The following MYO3B variants were observed in gnomAD, a reference collection of about 807,000 sequenced individuals.
MYO3B encodes myosin IIIB.
MYO3B carries 156 observed loss-of-function variants against 174.6 expected under a neutral mutation model. The ratio of observed to expected loss-of-function variants is 0.89; its 90% CI spans 0.78 to 1.02. The LOEUF (loss-of-function observed/expected upper bound fraction) is 1.02. Among genes scored for constraint, MYO3B ranks in the 50% least tolerant of loss-of-function variants. The pLI is 0.00. For synonymous variants in MYO3B, 563 were observed against 569.1 expected (o/e 0.99, Z 0.15); for missense variants, 1,632 against 1,639.4 (o/e 1.00, Z 0.08).
At chr2:170,408,075 C>T (rs539950382) in intron 22 of MYO3B, among the ~76,000 whole-genome samples, 12 of 152,372 alleles carry the variant, frequency 7.9e-5, no homozygotes, top group Non-Finnish European at 1.6e-4. Flanking sequence ...AACATACATA[C>T]ACTATCCATA....
chr2:170,272,772 T>C (rs889966), intron 7 of MYO3B, among the ~76,000 whole-genome samples: 148,744 of 152,292 alleles, frequency 0.98, 72,658 homozygotes, highest in Admixed American at 0.98. Flanking sequence ...GTTTGGCCCT[T>C]TTCTGTTTTT....
Position 170,206,145 on chromosome 2 carries a change from TC to T in MYO3B, c.321+5862del, listed in dbSNP as rs1407814202. Among the ~76,000 whole-genome samples the T allele has an allele frequency of 6.6e-6, 1 of 152,100 alleles. No individual in the cohort carries two copies. Among genetic ancestry groups the T allele is most frequent in the Non-Finnish European group, 1.5e-5 (1 of 68,020 alleles). On this transcript the variant is annotated intron_variant, in intron 3 of 34. Coordinates refer to ENST00000408978, the MANE Select transcript of MYO3B (RefSeq NM_138995.5). This position sits in a 1 kb window ranked among gnomAD's most constrained non-coding sequence, Gnocchi z 4.3. The stretch of plus-strand genomic sequence containing the variant: ...CCCTCACATGCACATTCCCCCTCAT[TC>T]TTTCATGCCCCCTACATTTGCACAA...
chr2:170,377,495 A>G (rs554440352), intron 9 of MYO3B, among the ~76,000 whole-genome samples: 27 of 152,288 alleles, frequency 1.8e-4, no homozygotes, highest in African/African-American at 5.1e-4. Context: ...TTGATGGTAC[A>G]GACTTGCCCT....
intron 32 of MYO3B, among the ~76,000 whole-genome samples, chr2:170,582,510 C>G (rs539644851): frequency 6.6e-6 from 1 of 152,238 alleles, no homozygotes; most frequent in Admixed American, 6.5e-5. Flanking sequence ...GATGGCCCCT[C>G]CAGTGGGCAG....
chr2:170,580,718 A>ATATATATGTGTGTGTGTGTGTGTG, intron 32 of MYO3B, among the ~76,000 whole-genome samples: 1 of 142,702 alleles, frequency 7.0e-6, no homozygotes, highest in Non-Finnish European at 1.5e-5. Flanking sequence ...AACCTTATAT[A>ATATATATGTGTGTGTGTGTGTGTG]TGTGTGTGTG....
intron 32 of MYO3B, 43 bp downstream of exon 32, chr2:170,544,031 C>A: frequency 6.9e-7 from 1 of 1,440,636 alleles, no homozygotes; most frequent in Non-Finnish European, 9.7e-7. Context: ...CTACCATTTG[C>A]ATGTTTGTGT....
intron 22 of MYO3B, chr2:170,412,320 G>C (rs548444463): frequency 1.3e-5 from 2 of 152,252 alleles, no homozygotes; most frequent in South Asian, 4.1e-4. Context: ...ATAGTAGTTT[G>C]GGGTGTTAAA....
intron 32 of MYO3B, among the ~76,000 whole-genome samples, chr2:170,600,714 CT>C (rs1351005756): frequency 6.6e-6 from 1 of 152,180 alleles, no homozygotes; most frequent in Non-Finnish European, 1.5e-5. Context: ...TAAGCTCATG[CT>C]TTTGGTGATA....
intron 32 of MYO3B, among the ~76,000 whole-genome samples, chr2:170,560,784 T>C (rs138628093): frequency 9.9e-5 from 15 of 152,276 alleles, no homozygotes; most frequent in African/African-American, 3.6e-4. Context: ...ATCAGATAAA[T>C]GGAAAGAGCT....
At chr2:170,242,463 C>T (rs1043454805) in intron 7 of MYO3B, among the ~76,000 whole-genome samples, 24 of 152,298 alleles carry the variant, frequency 1.6e-4, no homozygotes, top group African/African-American at 5.3e-4. Flanking sequence ...AGAAATGCCC[C>T]AGAAGGCTTT....
intron 7 of MYO3B, among the ~76,000 whole-genome samples, chr2:170,256,573 A>G (rs1014450693): frequency 2.6e-5 from 4 of 152,162 alleles, no homozygotes; most frequent in Admixed American, 6.5e-5. Context: ...ATTTTTTTCC[A>G]GGTAGGTAAT....
intron 28 of MYO3B, among the ~76,000 whole-genome samples, chr2:170,509,081 G>A (rs1418135686): frequency 1.3e-5 from 2 of 152,326 alleles, no homozygotes; most frequent in East Asian, 3.9e-4. Context: ...TTCAGGCCGG[G>A]CACAGTGGCT....
intron 7 of MYO3B, among the ~76,000 whole-genome samples, chr2:170,280,841 GTTTTTGTAT>G (rs2093503176): frequency 6.6e-6 from 1 of 152,054 alleles, no homozygotes; most frequent in South Asian, 2.1e-4. Context: ...CTGTGTACCT[GTTTTTGTAT>G]CAGTACTATG....
chr2:170,238,948 G>C (rs958315565), intron 7 of MYO3B, among the ~76,000 whole-genome samples: 1 of 152,116 alleles, frequency 6.6e-6, no homozygotes, highest in East Asian at 1.9e-4. Flanking sequence ...GAAATACTGC[G>C]TGACTCACAA....
chr2:170,345,127 C>A (rs1385395457), intron 8 of MYO3B: 4 of 152,216 alleles, frequency 2.6e-5, no homozygotes, highest in Admixed American at 2.0e-4. Context: ...AGAAGGAAAT[C>A]TGGCTCTGGG....
chr2:170,210,862 T>C (rs2105357569), intron 3 of MYO3B, among the ~76,000 whole-genome samples: 1 of 152,238 alleles, frequency 6.6e-6, no homozygotes, highest in East Asian at 1.9e-4. Context: ...ACCAATTAAT[T>C]AGAGCTTTTT....
chr2:170,574,909 C>T (rs1692692261), intron 32 of MYO3B, among the ~76,000 whole-genome samples: 1 of 152,122 alleles, frequency 6.6e-6, no homozygotes, highest in Non-Finnish European at 1.5e-5. Flanking sequence ...CTCCTTCTCC[C>T]TCTCCCTCTT....
chr2:170,444,063 C>G lies in MYO3B; in HGVS notation c.2730+17C>G. Reference sequence around the variant, plus strand: ...AAAGCCAAGGTGAGTAACAGATTTGCACCAAATATAGTATGGACTGGCAGG... The same window carrying G: ...AAAGCCAAGGTGAGTAACAGATTTGGACCAAATATAGTATGGACTGGCAGG... On this transcript the variant is annotated intron_variant, in intron 23 of 34. Coordinates refer to ENST00000408978, the MANE Select transcript of MYO3B (RefSeq NM_138995.5). The G allele has an allele frequency of 1.2e-6, 2 of 1,607,118 alleles. No individual in the cohort carries two copies. The highest frequency in any genetic ancestry group is 1.7e-6 in the Non-Finnish European group (2 of 1,174,250).
intron 7 of MYO3B, among the ~76,000 whole-genome samples, chr2:170,240,072 A>G (rs1006572392): frequency 2.0e-5 from 3 of 152,064 alleles, no homozygotes; most frequent in Non-Finnish European, 4.4e-5. Flanking sequence ...TTCTGGTCTC[A>G]TATAAGGACA....
Sources: allele counts gnomAD v4.1 joint callset (sites outside exome capture counted in the v4.1 genomes callset), GRCh38; gene constraint gnomAD v4.1.1; non-coding constraint Gnocchi (gnomAD v3.1); transcripts MANE v1.5; gene names NCBI Gene and HGNC (gene_info 2026-07-23, HGNC 2026-07-21).